The following CTNNA3 variants were observed in gnomAD, a reference collection of about 807,000 sequenced individuals.
The protein encoded by CTNNA3 is catenin alpha 3.
Under a neutral mutation model 95.7 loss-of-function variants are expected in CTNNA3, and 76 were observed. The observed-to-expected ratio is 0.79, with a 90% CI of 0.66 to 0.96. The LOEUF is 0.96. Ranked by LOEUF, CTNNA3 falls within the 40% of genes least tolerant of loss-of-function variation. CTNNA3 has a pLI of 0.00. For missense variants in CTNNA3, 1,191 were observed against 1,089.8 expected (o/e 1.09, Z -1.31); for synonymous variants, 431 against 374.4 (o/e 1.15, Z -1.74).
intron 9 of CTNNA3, among the ~76,000 whole-genome samples, chr10:66,738,038 C>T (rs943505424): frequency 1.3e-5 from 2 of 152,168 alleles, no homozygotes; most frequent in African/African-American, 4.8e-5. Context: ...AAAAATCTAA[C>T]AGTATATTCT....
At chr10:66,957,503 T>C (rs1231770692) in intron 7 of CTNNA3, among the ~76,000 whole-genome samples, 1 of 149,644 alleles carries the variant, frequency 6.7e-6, no homozygotes, top group East Asian at 2.0e-4. Context: ...AAAGTTTTCT[T>C]GTACTCTTGG....
At chr10:67,090,283 C>G (rs2131906619) in intron 7 of CTNNA3, among the ~76,000 whole-genome samples, 1 of 152,238 alleles carries the variant, frequency 6.6e-6, no homozygotes. Flanking sequence ...CTGTCACTAT[C>G]TTACCCACAT....
At chr10:66,140,380 A>C (rs1310316955) in intron 13 of CTNNA3, among the ~76,000 whole-genome samples, 2 of 152,206 alleles carry the variant, frequency 1.3e-5, no homozygotes, top group Non-Finnish European at 2.9e-5. Flanking sequence ...TGAGGAAGGT[A>C]ATGTTAAGAT....
intron 13 of CTNNA3, among the ~76,000 whole-genome samples, chr10:66,245,049 A>C (rs2090256190): frequency 6.6e-6 from 1 of 152,070 alleles, no homozygotes; most frequent in African/African-American, 2.4e-5. Context: ...CCTGCCTGGC[A>C]GGCTGTGCTC....
upstream of CTNNA3, among the ~76,000 whole-genome samples, chr10:67,699,018 C>G (rs1049907203): frequency 6.6e-6 from 1 of 152,058 alleles, no homozygotes; most frequent in African/African-American, 2.4e-5. Flanking sequence ...TCTCTACCCT[C>G]CCTCCTATTA....
chr10:67,567,724 T>C (rs897397626), intron 3 of CTNNA3, among the ~76,000 whole-genome samples: 3 of 152,054 alleles, frequency 2.0e-5, no homozygotes, highest in Non-Finnish European at 4.4e-5. Context: ...TCATGTATGT[T>C]TACTGGGAGA....
intron 11 of CTNNA3, among the ~76,000 whole-genome samples, chr10:66,436,927 T>A (rs2093342149): frequency 6.6e-6 from 1 of 152,112 alleles, no homozygotes; most frequent in East Asian, 1.9e-4. Flanking sequence ...TAAAGGATTT[T>A]ATTTCTCCTT....
rs537133319 is a variant in CTNNA3 at position 66,973,326 on chromosome 10, G to A, written c.1048-197802C>T. Among the ~76,000 whole-genome samples, 20 of 152,142 alleles carry A rather than the reference G, an allele frequency of 1.3e-4. No individual in the cohort carries two copies. In the South Asian group the frequency reaches 3.9e-3, roughly 30 times the overall value. Reference sequence around the variant, plus strand: ...AATTTCATAATATTCATTGTACTAGGACTTTCCACATTTTTGATATGACGC... The same window carrying A: ...AATTTCATAATATTCATTGTACTAGAACTTTCCACATTTTTGATATGACGC... On this transcript the variant is annotated intron_variant, in intron 7 of 17. Coordinates refer to ENST00000433211, the MANE Select transcript of CTNNA3 (RefSeq NM_013266.4).
chr10:67,659,865 G>T (rs763581161), intron 1 of CTNNA3, among the ~76,000 whole-genome samples: 1 of 152,170 alleles, frequency 6.6e-6, no homozygotes, highest in East Asian at 1.9e-4. Context: ...AACAAAAAGA[G>T]AATGGCAAAG....
intron 5 of CTNNA3, among the ~76,000 whole-genome samples, chr10:67,391,814 C>A (rs1432893235): frequency 1.3e-5 from 2 of 151,350 alleles, no homozygotes; most frequent in Non-Finnish European, 2.9e-5. Flanking sequence ...AAAGGATTCC[C>A]TGTTTAATAA....
At chr10:66,769,330 T>G (rs4501891) in intron 8 of CTNNA3, among the ~76,000 whole-genome samples, 129,194 of 152,034 alleles carry the variant, frequency 0.85, 55,194 homozygotes, top group East Asian at 1. Flanking sequence ...GAGGCAGGGA[T>G]GTATCTCTCC....
At position 66,069,498 on chromosome 10, in the gene CTNNA3, T is replaced by C. The variant is rs771655401; in HGVS notation, c.1978-9A>G. On this transcript the variant is annotated splice_polypyrimidine_tract_variant and intron_variant, in intron 14 of 17. Coordinates refer to ENST00000433211, the MANE Select transcript of CTNNA3 (RefSeq NM_013266.4). The stretch of plus-strand genomic sequence containing the variant: ...AGTTGAGTCATCTTAGCCTAAAACA[T>C]GTGATAATTAGAGTTAAAATCATTC... 71 of 1,596,148 alleles carry C rather than the reference T, an allele frequency of 4.4e-5. 4 individuals are homozygous for C. In the South Asian group the frequency reaches 7.9e-4, roughly 18 times the overall value.
In CTNNA3 at chr10:67,763,552, T is replaced by G. The variant is rs142289494; in HGVS notation, c.-120A>C. Among the ~76,000 whole-genome samples the G allele has an allele frequency of 4.0e-3, 602 of 152,246 alleles. 6 individuals carry two copies. Among genetic ancestry groups the G allele is most frequent in the African/African-American group, 0.014 (570 of 41,562 alleles). On this transcript the variant is annotated 5_prime_UTR_variant, in exon 1 of 18. Transcript: ENST00000684154. ...GTTTCCATGAACACTCCTAGAAACT[T>G]CAACTAGTAAAAGGCCTTCTGTTAC...
chr10:67,214,966 G>C (rs1864290020), intron 6 of CTNNA3, among the ~76,000 whole-genome samples: 1 of 151,964 alleles, frequency 6.6e-6, no homozygotes, highest in Non-Finnish European at 1.5e-5. Context: ...TAGCTATAGA[G>C]AATGGTGACT....
chr10:67,230,917 C>T lies in CTNNA3; in HGVS notation c.580-11047G>A, dbSNP rs186358453. Reference sequence around the variant, plus strand: ...CTAGTCAAAGAGAGGGGTGACAGACCGCACCTGGAAGATCGGGTCACTCCC... The same window carrying T: ...CTAGTCAAAGAGAGGGGTGACAGACTGCACCTGGAAGATCGGGTCACTCCC... On this transcript the variant is annotated intron_variant, in intron 5 of 17. Coordinates refer to ENST00000433211, the MANE Select transcript of CTNNA3 (RefSeq NM_013266.4). Among the ~76,000 whole-genome samples, 1,159 of 152,248 alleles carry T rather than the reference C, an allele frequency of 7.6e-3. 6 individuals are homozygous for T. Among genetic ancestry groups the T allele is most frequent in the Non-Finnish European group, 0.011 (765 of 68,010 alleles).
At chr10:66,476,932 T>A (rs1458294440) in intron 11 of CTNNA3, among the ~76,000 whole-genome samples, 5 of 152,072 alleles carry the variant, frequency 3.3e-5, no homozygotes, top group African/African-American at 4.8e-5. Context: ...TAAGTCACAT[T>A]CCTTGTCACT....
chr10:67,406,188 C>T (rs1051730222), intron 5 of CTNNA3, among the ~76,000 whole-genome samples: 1 of 152,162 alleles, frequency 6.6e-6, no homozygotes, highest in African/African-American at 2.4e-5. Context: ...CCTGAGGCCT[C>T]CCCAGCCATG....
intron 7 of CTNNA3, among the ~76,000 whole-genome samples, chr10:67,006,914 C>T (rs1852027122): frequency 6.6e-6 from 1 of 152,108 alleles, no homozygotes; most frequent in Non-Finnish European, 1.5e-5. Context: ...CTACCTCTGC[C>T]TCCCAAGTAG....
intron 9 of CTNNA3, among the ~76,000 whole-genome samples, chr10:66,735,043 AAAC>A (rs1358729245): frequency 6.6e-6 from 1 of 151,554 alleles, no homozygotes; most frequent in Admixed American, 6.6e-5. Context: ...TTTATTGATA[AAAC>A]AATATTTTTT....
Sources: allele counts gnomAD v4.1 joint callset (sites outside exome capture counted in the v4.1 genomes callset), GRCh38; gene constraint gnomAD v4.1.1; transcripts MANE v1.5; gene names NCBI Gene and HGNC (gene_info 2026-07-23, HGNC 2026-07-21).